MPZL3: variants seen among roughly 807,000 people sequenced by gnomAD.
MPZL3 encodes the protein myelin protein zero like 3.
MPZL3 carries 23 observed loss-of-function variants against 24.8 expected under a neutral mutation model. That is an observed-to-expected ratio of 0.93 (90% CI 0.67 to 1.31). The LOEUF (loss-of-function observed/expected upper bound fraction) is 1.31, where lower values mean the gene tolerates loss of function less well. MPZL3 is among the 40% of genes most tolerant of loss of function. The probability of loss-of-function intolerance (pLI) is 0.00; values close to 1 mark genes in which losing one functional copy is unlikely to be tolerated. For missense variants in MPZL3, 277 were observed against 294.9 expected (o/e 0.94, Z 0.44); for synonymous variants, 99 against 106.5 (o/e 0.93, Z 0.44).
rs1949628942 is a variant in MPZL3 at position 118,252,203 on chromosome 11, AG to A, written c.73+18del. 6.2e-7 allele frequency: 1 copy of A among 1,612,798 alleles called. No individual in the cohort carries two copies. The highest frequency in any genetic ancestry group is 1.7e-5 in the Admixed American group (1 of 59,990). On this transcript the variant is annotated intron_variant, in intron 1 of 5. Coordinates refer to ENST00000278949, the MANE Select transcript of MPZL3 (RefSeq NM_198275.3). ...AACCCCCCGGCCGGAAGTGGAGCGT[AG>A]CCAGCCGGAGCACTCACCCTGGAAG...
In MPZL3 at chr11:118,239,638, C is replaced by A. The variant is rs1319394978; in HGVS notation, c.240+573G>T. On this transcript the variant is annotated intron_variant, in intron 2 of 5. Transcript: ENST00000278949. ...TATACCTCAATAAGGTATATTGCTT[C>A]CAATATTGCAAGACCATCTGTCACC... 3.3e-5 allele frequency among the ~76,000 whole-genome samples: 5 copies of A among 152,140 alleles called. No individual in the cohort carries two copies. In the East Asian group the frequency reaches 7.7e-4, roughly 23 times the overall value.
chr11:118,237,308 T>A, intron 2 of MPZL3, 48 bp from the exon 3 acceptor site: 1 of 1,548,938 alleles, frequency 6.5e-7, no homozygotes, highest in South Asian at 1.1e-5. Context: ...GAAAATGCAA[T>A]GAAAATATAA....
chr11:118,229,994 TC>T (rs1949330203), intron 5 of MPZL3, 74 bp from the exon 6 acceptor site: 2 of 1,407,746 alleles, frequency 1.4e-6, no homozygotes, highest in East Asian at 4.7e-5. Context: ...CATGTTAGGA[TC>T]CTCCAAATGG....
At chr11:118,233,349 T>G in intron 5 of MPZL3, 111 bp downstream of exon 5, 1 of 1,210,436 alleles carries the variant, frequency 8.3e-7, no homozygotes, top group Non-Finnish European at 1.2e-6. Context: ...CATATCTTGC[T>G]TGGACCTACC....
chr11:118,241,338 C>A (rs1375025315), intron 1 of MPZL3, among the ~76,000 whole-genome samples: 2 of 152,208 alleles, frequency 1.3e-5, no homozygotes, highest in East Asian at 3.8e-4. Context: ...CAAACCCACA[C>A]GCTGTCCTGA....
intron 2 of MPZL3, among the ~76,000 whole-genome samples, chr11:118,238,827 T>C (rs928477968): frequency 2.0e-5 from 3 of 151,352 alleles, no homozygotes; most frequent in African/African-American, 7.4e-5. Flanking sequence ...AATAAGTGTG[T>C]TGAACATTTC....
chr11:118,249,384 TAAGACA>T (rs1018043076), intron 1 of MPZL3, among the ~76,000 whole-genome samples: 2 of 152,178 alleles, frequency 1.3e-5, no homozygotes, highest in Non-Finnish European at 2.9e-5. Flanking sequence ...CCAATGGATG[TAAGACA>T]GTTTGTCTCT....
At chr11:118,245,346 A>AG (rs1335940581) in intron 1 of MPZL3, among the ~76,000 whole-genome samples, 3 of 152,222 alleles carry the variant, frequency 2.0e-5, no homozygotes, top group Non-Finnish European at 4.4e-5. Flanking sequence ...CATCTCTTAA[A>AG]GAAAAAAAAG....
chr11:118,232,768 C>T (rs1176707744), intron 5 of MPZL3, among the ~76,000 whole-genome samples: 4 of 152,146 alleles, frequency 2.6e-5, no homozygotes, highest in African/African-American at 9.7e-5. Context: ...TGCAATTAGT[C>T]ATCGAGCCAA....
intron 5 of MPZL3, 142 bp downstream of exon 5, chr11:118,233,318 C>G: frequency 1.1e-6 from 1 of 903,072 alleles, no homozygotes; most frequent in Non-Finnish European, 1.7e-6. Flanking sequence ...GTCCAAAATG[C>G]TTTGGGGAAA....
At position 118,235,906 on chromosome 11, in the gene MPZL3, TTATAA is replaced by T. The variant is rs1441026618; in HGVS notation, c.452-322_452-318del. 1.1e-3 allele frequency among the ~76,000 whole-genome samples: 164 copies of T among 152,314 alleles called. 1 individual carries two copies. Among genetic ancestry groups the T allele is most frequent in the Admixed American group, 0.011 (161 of 15,300 alleles). ...ATATTATTTTAACCTCCTTTTTTAC[TTATAA>T]TATGATAAATATTTAACAATTCCTT... is the stretch of plus-strand genomic sequence containing the variant. On this transcript the variant is annotated intron_variant, in intron 3 of 5. Transcript: ENST00000278949.
In MPZL3 at chr11:118,237,315, A is replaced by G. The variant is rs1949439293; in HGVS notation, c.241-55T>C. The G allele has an allele frequency of 3.3e-6, 5 of 1,521,134 alleles. No individual in the cohort carries two copies. In the Admixed American group the frequency reaches 5.1e-5, roughly 15 times the overall value. 94.2% of individuals were successfully genotyped at this position (1,521,134 alleles called of 1,614,324 possible). A position where few individuals can be genotyped will look rare whatever the true frequency, so the allele number is the denominator to read the frequency against. Reference sequence around the variant, plus strand: ...TTAACTTGGAAAATGCAATGAAAATATAAAGCTCAGTAGGTCCAAAATAAA... The same window carrying G: ...TTAACTTGGAAAATGCAATGAAAATGTAAAGCTCAGTAGGTCCAAAATAAA... On this transcript the variant is annotated intron_variant, in intron 2 of 5. Coordinates refer to ENST00000278949, the MANE Select transcript of MPZL3 (RefSeq NM_198275.3).
At chr11:118,242,558 T>C (rs1452017774) in intron 1 of MPZL3, among the ~76,000 whole-genome samples, 1 of 152,214 alleles carries the variant, frequency 6.6e-6, no homozygotes, top group African/African-American at 2.4e-5. Context: ...TACTTGAATG[T>C]CCTGCCATGT....
At chr11:118,234,048 C>T (rs970653448) in intron 4 of MPZL3, among the ~76,000 whole-genome samples, 2 of 152,078 alleles carry the variant, frequency 1.3e-5, no homozygotes, top group African/African-American at 4.8e-5. Flanking sequence ...CCTTAAAGCA[C>T]AGTTGTTAGG....
At position 118,226,740 on chromosome 11, in the gene MPZL3, A is replaced by G. The variant is rs1949276215; in HGVS notation, c.*3154T>C. On this transcript the variant is annotated 3_prime_UTR_variant, in exon 6 of 6. Transcript: ENST00000278949. ...TTGACTATGATGCAGTAAAGATACC[A>G]AGAGTTACAATATTTGTGCATATGG... The G allele has an allele frequency of 6.6e-6, 1 of 152,242 alleles. No individual in the cohort carries two copies. Among genetic ancestry groups the G allele is most frequent in the South Asian group, 2.1e-4 (1 of 4,834 alleles). 9.4% of individuals were successfully genotyped at this position (152,242 alleles called of 1,614,324 possible). A position where few individuals can be genotyped will look rare whatever the true frequency, so the allele number is the denominator to read the frequency against.
At chr11:118,240,441 GA>G in intron 1 of MPZL3, 64 bp from the exon 2 acceptor site, 1 of 1,486,702 alleles carries the variant, frequency 6.7e-7, no homozygotes, top group Non-Finnish European at 9.0e-7. Flanking sequence ...AGATGTGAGT[GA>G]ACAATTATTT....
chr11:118,244,878 C>G (rs1425559501), intron 1 of MPZL3, among the ~76,000 whole-genome samples: 1 of 152,106 alleles, frequency 6.6e-6, no homozygotes, highest in African/African-American at 2.4e-5. Context: ...AGATCGAGAC[C>G]ATCCTGGCTA....
intron 1 of MPZL3, among the ~76,000 whole-genome samples, chr11:118,249,680 A>G (rs1425368801): frequency 6.6e-6 from 1 of 152,094 alleles, no homozygotes. Context: ...AAATCTACTG[A>G]TATTTTATTC....
chr11:118,245,143 A>G (rs1214258434), intron 1 of MPZL3, among the ~76,000 whole-genome samples: 1 of 152,022 alleles, frequency 6.6e-6, no homozygotes, highest in African/African-American at 2.4e-5. Flanking sequence ...GAATATGGGT[A>G]AATTCAGCAT....
Sources: gnomAD v4.1 joint callset for allele counts (sites outside exome capture counted in the v4.1 genomes callset) on GRCh38, gnomAD v4.1.1 for gene constraint, MANE v1.5 for transcripts, NCBI Gene and HGNC (gene_info 2026-07-23, HGNC 2026-07-21) for gene names.